The following GCNT1 variants were observed in gnomAD, a reference collection of about 807,000 sequenced individuals.
GCNT1 encodes glucosaminyl (N-acetyl) transferase 1.
In GCNT1, 16 loss-of-function variants were observed where a neutral mutation model predicts 26.2. The observed-to-expected ratio is 0.61, with a 90% CI of 0.41 to 0.93. The LOEUF (loss-of-function observed/expected upper bound fraction) is 0.93, where lower values mean the gene tolerates loss of function less well. GCNT1 is among the 40% of genes least tolerant of loss of function. The pLI, the probability that GCNT1 is intolerant of heterozygous loss-of-function variation, is 0.00. For synonymous variants in GCNT1, 183 were observed against 190.8 expected, an observed-to-expected ratio of 0.96 and a Z score of 0.34; for missense variants, 477 against 526.7, an observed-to-expected ratio of 0.91 and a Z score of 0.92.
chr9:76,436,598 C>CAAAAAA (rs1178497535), intron 1 of GCNT1, among the ~76,000 whole-genome samples: 4 of 41,096 alleles, frequency 9.7e-5, no homozygotes, highest in South Asian at 9.8e-4. Context: ...GATTCCATCT[C>CAAAAAA]AAAAAAAAAA....
At chr9:76,420,369 G>A (rs2131569637) in intron 1 of GCNT1, among the ~76,000 whole-genome samples, 1 of 152,136 alleles carries the variant, frequency 6.6e-6, no homozygotes, top group Non-Finnish European at 1.5e-5. Context: ...TGAACTCCTG[G>A]GCCAAGTAAT....
intron 2 of GCNT1, among the ~76,000 whole-genome samples, chr9:76,483,261 T>C (rs1824470563): frequency 6.6e-6 from 1 of 152,212 alleles, no homozygotes; most frequent in Non-Finnish European, 1.5e-5. Context: ...CTAGCTAACA[T>C]TCTCTACTGC....
the GCNT1 span, among the ~76,000 whole-genome samples, chr9:76,396,780 G>T: frequency 1.3e-5 from 2 of 152,228 alleles, no homozygotes; most frequent in African/African-American, 4.8e-5. Context: ...GGCAGTTGCA[G>T]TGAGCTGGAG....
chr9:76,396,574 G>T, the GCNT1 span, among the ~76,000 whole-genome samples: 2 of 152,240 alleles, frequency 1.3e-5, no homozygotes, highest in South Asian at 4.1e-4. Context: ...TGGCACAGTG[G>T]CTCATGCCTG....
At chr9:76,466,051 T>C (rs1433389938) in intron 2 of GCNT1, among the ~76,000 whole-genome samples, 1 of 152,124 alleles carries the variant, frequency 6.6e-6, no homozygotes, top group Non-Finnish European at 1.5e-5. Context: ...TGGAGATACA[T>C]GTTTGGGAGC....
At chr9:76,499,355 T>G (rs1049214958) in intron 2 of GCNT1, among the ~76,000 whole-genome samples, 2 of 152,156 alleles carry the variant, frequency 1.3e-5, no homozygotes, top group South Asian at 4.1e-4. Flanking sequence ...CTCAAACTCC[T>G]GACCTCAAGT....
chr9:76,475,567 T>C (rs976530364), intron 2 of GCNT1, among the ~76,000 whole-genome samples: 3 of 152,228 alleles, frequency 2.0e-5, no homozygotes, highest in African/African-American at 7.2e-5. Context: ...GCTAATTGAA[T>C]AGACCCACGG....
chr9:76,411,126 T>A, the GCNT1 span, among the ~76,000 whole-genome samples: 2 of 152,342 alleles, frequency 1.3e-5, no homozygotes, highest in South Asian at 4.1e-4. Context: ...AGTTGAGTCT[T>A]GTTTTTTAAT....
chr9:76,479,546 T>C (rs1008164294), intron 2 of GCNT1, among the ~76,000 whole-genome samples: 8 of 152,340 alleles, frequency 5.3e-5, no homozygotes, highest in African/African-American at 1.2e-4. Flanking sequence ...TTTTAATGAT[T>C]GCCATTCTAA....
At chr9:76,462,784 T>C (rs942675815) in intron 2 of GCNT1, among the ~76,000 whole-genome samples, 3 of 152,218 alleles carry the variant, frequency 2.0e-5, no homozygotes, top group African/African-American at 7.2e-5. Context: ...TCTTTGTGAA[T>C]GGCCAATGTG....
upstream of GCNT1, among the ~76,000 whole-genome samples, chr9:76,441,087 G>A (rs12378119): frequency 0.19 from 26,390 of 137,960 alleles, 2,513 homozygotes; most frequent in South Asian, 0.26. Context: ...AAAAACCTAT[G>A]CCTAGGCCAC....
At chr9:76,501,516 T>C (rs1026510913) in intron 3 of GCNT1, among the ~76,000 whole-genome samples, 45 of 152,320 alleles carry the variant, frequency 3.0e-4, no homozygotes, top group African/African-American at 1.1e-3. Flanking sequence ...TTTTGGATTA[T>C]GAATACTTTG....
At chr9:76,438,814 A>C (rs183376382), upstream of GCNT1, among the ~76,000 whole-genome samples, 2 of 151,264 alleles carry the variant, frequency 1.3e-5, no homozygotes, top group Admixed American at 6.6e-5. Context: ...AAAAAAAAAA[A>C]CTCATAATGT....
the GCNT1 span, among the ~76,000 whole-genome samples, chr9:76,401,878 G>C: frequency 6.6e-6 from 1 of 152,198 alleles, no homozygotes; most frequent in Admixed American, 6.5e-5. Context: ...CTGGGTGACA[G>C]AGCAAGACCC....
At chr9:76,498,683 G>C (rs1226821314) in intron 2 of GCNT1, among the ~76,000 whole-genome samples, 1 of 150,846 alleles carries the variant, frequency 6.6e-6, no homozygotes, top group Non-Finnish European at 1.5e-5. Flanking sequence ...TGAAGCAGGA[G>C]AATTGCTTGA....
Position 76,502,889 on chromosome 9 carries a change from G to C in GCNT1, c.508G>C (p.Ala170Pro). 6.2e-7 allele frequency: 1 copy of C among 1,613,832 alleles called. No individual in the cohort carries two copies. The highest frequency in any genetic ancestry group is 1.1e-5 in the South Asian group (1 of 91,078). ...CTATTTAGCTGCAGTGATGGGCATCGCTTCCTGTTTTAGTAATGTCTTTGT... is the reference window on the plus strand; with the variant it reads ...CTATTTAGCTGCAGTGATGGGCATCCCTTCCTGTTTTAGTAATGTCTTTGT... ...DSYLAAVMGI[A>P]SCFSNVFVAS... Residue 170 changes from alanine to proline, a missense_variant, in exon 4 of 4, where the codon GCT (alanine) becomes CCT (proline). Coordinates refer to ENST00000376730, the MANE Select transcript of GCNT1 (RefSeq NM_001490.5).
the GCNT1 span, among the ~76,000 whole-genome samples, chr9:76,397,355 C>T: frequency 6.6e-6 from 1 of 151,276 alleles, no homozygotes; most frequent in Non-Finnish European, 1.5e-5. Flanking sequence ...TAAGATGGAG[C>T]AGTCAGGCTC....
the GCNT1 span, among the ~76,000 whole-genome samples, chr9:76,412,692 C>G: frequency 6.6e-6 from 1 of 152,208 alleles, no homozygotes; most frequent in Admixed American, 6.5e-5. Flanking sequence ...ACCCTTGACA[C>G]AGCTTCTGGT....
chr9:76,489,660 G>A (rs547728760), intron 2 of GCNT1, among the ~76,000 whole-genome samples: 4 of 152,288 alleles, frequency 2.6e-5, no homozygotes, highest in Admixed American at 1.3e-4. Flanking sequence ...GCACTGATGG[G>A]TGTTTTTACA....
Sources: gnomAD v4.1 joint callset for allele counts (sites outside exome capture counted in the v4.1 genomes callset) on GRCh38, gnomAD v4.1.1 for gene constraint, MANE v1.5 for transcripts, NCBI Gene and HGNC (gene_info 2026-07-23, HGNC 2026-07-21) for gene names.